Variants in CACNB2 observed in about 807,000 individuals in gnomAD.
CACNB2 encodes the protein voltage-dependent L-type calcium channel subunit beta-2.
A neutral mutation model predicts 73.3 loss-of-function variants in CACNB2; 42 were observed. The ratio of observed to expected loss-of-function variants is 0.57; its 90% CI spans 0.45 to 0.74. CACNB2 has a LOEUF of 0.74. Among genes scored for constraint, CACNB2 ranks in the 30% least tolerant of loss-of-function variants. The probability of loss-of-function intolerance (pLI) is 0.00; values close to 1 mark genes in which losing one functional copy is unlikely to be tolerated. For missense variants in CACNB2, 940 were observed against 853.0 expected, an observed-to-expected ratio of 1.10 and a Z score of -1.27; for synonymous variants, 348 against 310.3, an observed-to-expected ratio of 1.12 and a Z score of -1.28.
intron 2 of CACNB2, among the ~76,000 whole-genome samples, chr10:18,276,098 A>C (rs1564396969): frequency 1.3e-5 from 2 of 152,352 alleles, no homozygotes; most frequent in South Asian, 4.1e-4. Context: ...AATACAGAAC[A>C]TCTCTGTACC....
chr10:18,368,405 A>C (rs17684025), intron 2 of CACNB2, among the ~76,000 whole-genome samples: 6,644 of 152,290 alleles, frequency 0.044, 173 homozygotes, highest in African/African-American at 0.051. Flanking sequence ...TTTCAGAATA[A>C]CACAGAGAAA....
chr10:18,263,490 G>T (rs1027377505), intron 2 of CACNB2, among the ~76,000 whole-genome samples: 4 of 152,122 alleles, frequency 2.6e-5, no homozygotes, highest in Non-Finnish European at 5.9e-5. Flanking sequence ...ATATCTGTTA[G>T]ATCTAATTAC....
At chr10:18,439,637 C>T (rs1279570005) in intron 3 of CACNB2, among the ~76,000 whole-genome samples, 2 of 152,232 alleles carry the variant, frequency 1.3e-5, no homozygotes, top group Admixed American at 1.3e-4. Flanking sequence ...AGTAACCCTT[C>T]ATATTATCAC....
chr10:18,204,077 T>G (rs2034996874), intron 2 of CACNB2, among the ~76,000 whole-genome samples: 1 of 152,216 alleles, frequency 6.6e-6, no homozygotes, highest in South Asian at 2.1e-4. Context: ...ACGTTTAATT[T>G]TAACATTATG....
chr10:18,335,792 C>CAT (rs2040980618), intron 2 of CACNB2, among the ~76,000 whole-genome samples: 6 of 146,136 alleles, frequency 4.1e-5, no homozygotes, highest in African/African-American at 1.3e-4. Context: ...AAAACACACA[C>CAT]ACACACACAC....
At chr10:18,196,284 C>A (rs1269331451) in intron 2 of CACNB2, among the ~76,000 whole-genome samples, 1 of 138,206 alleles carries the variant, frequency 7.2e-6, no homozygotes, top group African/African-American at 2.6e-5. Context: ...AGCACCACCA[C>A]CAACAAAACT....
chr10:18,222,205 C>G (rs149034940), intron 2 of CACNB2, among the ~76,000 whole-genome samples: 15 of 152,278 alleles, frequency 9.9e-5, no homozygotes, highest in African/African-American at 3.6e-4. Context: ...TGTTAAATGA[C>G]CACATGCCGA....
chr10:18,463,902 C>CCA (rs1225208104), intron 3 of CACNB2, among the ~76,000 whole-genome samples: 1 of 152,108 alleles, frequency 6.6e-6, no homozygotes, highest in Non-Finnish European at 1.5e-5. Context: ...CCCAGCCAGG[C>CCA]CTTTGACAAA....
At chr10:18,486,184 T>A (rs1346104307) in intron 3 of CACNB2, among the ~76,000 whole-genome samples, 2 of 152,164 alleles carry the variant, frequency 1.3e-5, no homozygotes, top group African/African-American at 4.8e-5. Flanking sequence ...TTGAGTGAAT[T>A]TCATTTCACT....
chr10:18,145,344 A>G (rs1175064217), intron 1 of CACNB2, among the ~76,000 whole-genome samples: 1 of 152,166 alleles, frequency 6.6e-6, no homozygotes. Flanking sequence ...GTTGGTGGTT[A>G]CAGGTCCTGT....
chr10:18,320,744 C>G (rs190352988), intron 2 of CACNB2, among the ~76,000 whole-genome samples: 31 of 152,232 alleles, frequency 2.0e-4, no homozygotes, highest in Admixed American at 6.5e-4. Context: ...ATAGTTAGAA[C>G]TGCGTAACTA....
intron 3 of CACNB2, among the ~76,000 whole-genome samples, chr10:18,451,754 C>T (rs1046255194): frequency 1.3e-5 from 2 of 152,150 alleles, no homozygotes; most frequent in Non-Finnish European, 2.9e-5. Context: ...TCACGTAGTT[C>T]GTTATCACCA....
intron 9 of CACNB2, chr10:18,519,896 A>G: frequency 2.8e-6 from 1 of 361,984 alleles, no homozygotes; most frequent in South Asian, 2.1e-5. Context: ...CATGAGCAGT[A>G]GTTGACATGG....
chr10:18,267,708 C>G (rs1012799799), intron 2 of CACNB2, among the ~76,000 whole-genome samples: 20 of 152,278 alleles, frequency 1.3e-4, no homozygotes, highest in Non-Finnish European at 2.1e-4. Flanking sequence ...TGGTTGGCAA[C>G]CTCTGGGCAT....
At chr10:18,178,713 T>C (rs1470946592) in intron 2 of CACNB2, among the ~76,000 whole-genome samples, 1 of 152,144 alleles carries the variant, frequency 6.6e-6, no homozygotes, top group Non-Finnish European at 1.5e-5. Context: ...TTCGGTGAAA[T>C]ATGAATCAGT....
chr10:18,530,870 C>T (rs2052947935), intron 10 of CACNB2, among the ~76,000 whole-genome samples: 1 of 152,130 alleles, frequency 6.6e-6, no homozygotes, highest in East Asian at 1.9e-4. Flanking sequence ...ACCCACTGGC[C>T]ATAAAGCTCT....
chr10:18,381,683 C>T (rs1390195974), intron 2 of CACNB2, among the ~76,000 whole-genome samples: 4 of 138,466 alleles, frequency 2.9e-5, no homozygotes, highest in Non-Finnish European at 4.6e-5. Context: ...AGTGAGACTC[C>T]GTCTCAAAAA....
At chr10:18,210,495 C>T (rs985741392) in intron 2 of CACNB2, among the ~76,000 whole-genome samples, 1 of 151,804 alleles carries the variant, frequency 6.6e-6, no homozygotes, top group Non-Finnish European at 1.5e-5. Context: ...TCTGTAGAGG[C>T]GATAAATAGA....
chr10:18,234,967 C>T (rs893798320), intron 2 of CACNB2, among the ~76,000 whole-genome samples: 3 of 150,244 alleles, frequency 2.0e-5, no homozygotes, highest in Admixed American at 6.6e-5. Context: ...CACGGTGAAA[C>T]CCCGTCTCTA....
Sources: gnomAD v4.1 joint callset for allele counts (sites outside exome capture counted in the v4.1 genomes callset) on GRCh38, gnomAD v4.1.1 for gene constraint, MANE v1.5 for transcripts, NCBI Gene and HGNC (gene_info 2026-07-23, HGNC 2026-07-21) for gene names.